The following AARS1 variants were observed in gnomAD, a reference collection of about 807,000 sequenced individuals.
The protein encoded by AARS1 is alanine--tRNA ligase, cytoplasmic.
AARS1 carries 72 observed loss-of-function variants against 108.9 expected under a neutral mutation model. The observed-to-expected ratio is 0.66, with a 90% CI of 0.55 to 0.80. AARS1 has a LOEUF of 0.80. Among genes scored for constraint, AARS1 ranks in the 30% least tolerant of loss-of-function variants. AARS1 has a pLI of 0.00. For synonymous variants in AARS1, 489 were observed against 465.7 expected (o/e 1.05, Z -0.64); for missense variants, 1,193 against 1,233.2 (o/e 0.97, Z 0.49).
intron 4 of AARS1, among the ~76,000 whole-genome samples, chr16:70,272,447 G>A (rs560895199): frequency 2.2e-5 from 3 of 134,572 alleles, no homozygotes; most frequent in South Asian, 2.5e-4. Flanking sequence ...CAGAGGCTGC[G>A]ATGAGCCGGG....
Position 70,262,198 on chromosome 16 carries a change from C to T in AARS1, c.1671+148G>A, listed in dbSNP as rs1028783199. On this transcript the variant is annotated intron_variant, in intron 12 of 20. Coordinates refer to ENST00000261772, the MANE Select transcript of AARS1 (RefSeq NM_001605.3). ...CCAGGAAAGCAACAGGTACAAGCAA[C>T]AGCTCCCTCGGCTTCAGAAATACCA... The T allele has an allele frequency of 1.0e-5, 10 of 983,396 alleles. No individual in the cohort carries two copies. In the African/African-American group the frequency reaches 1.6e-4, roughly 16 times the overall value. 60.9% of individuals were successfully genotyped at this position (983,396 alleles called of 1,614,324 possible). A position where few individuals can be genotyped will look rare whatever the true frequency, so the allele number is the denominator to read the frequency against.
Position 70,286,341 on chromosome 16 carries a change from G to A in AARS1, c.-22+3080C>T, listed in dbSNP as rs997320940. ...TCTTGGGTGCCTTAAATCACGCTGT[G>A]GCTCCAGCCACTCCACAGGAATTTT... is the stretch of plus-strand genomic sequence containing the variant. On this transcript the variant is annotated intron_variant, in intron 1 of 20. Coordinates refer to ENST00000261772, the MANE Select transcript of AARS1 (RefSeq NM_001605.3). 2.6e-5 allele frequency among the ~76,000 whole-genome samples: 4 copies of A among 151,518 alleles called. 1 individual carries two copies. The highest frequency in any genetic ancestry group is 4.9e-5 in the African/African-American group (2 of 41,198).
chr16:70,265,933 C>T (rs920963751), intron 9 of AARS1, among the ~76,000 whole-genome samples: 11 of 152,208 alleles, frequency 7.2e-5, no homozygotes, highest in African/African-American at 2.4e-4. Context: ...AATCCCAGCA[C>T]TTTGAGAGGC....
intron 1 of AARS1, among the ~76,000 whole-genome samples, chr16:70,286,989 C>A (rs1451916198): frequency 6.6e-6 from 1 of 151,790 alleles, no homozygotes; most frequent in African/African-American, 2.4e-5. Flanking sequence ...CGGTGGCTCA[C>A]GCCTGTAATC....
At chr16:70,276,777 A>C (rs1960562298) in intron 3 of AARS1, 146 bp from the exon 4 acceptor site, 6 of 1,189,818 alleles carry the variant, frequency 5.0e-6, no homozygotes, top group Non-Finnish European at 7.2e-6. Flanking sequence ...AAGAAATCCA[A>C]ATATATACTG....
At chr16:70,255,536 C>T (rs1353710793) in intron 16 of AARS1, among the ~76,000 whole-genome samples, 192 bp downstream of exon 16, 1 of 152,034 alleles carries the variant, frequency 6.6e-6, no homozygotes, top group African/African-American at 2.4e-5. Context: ...CATAGGAAAG[C>T]TAGGAGATCT....
intron 4 of AARS1, among the ~76,000 whole-genome samples, chr16:70,272,924 A>ACACACACAC (rs1567608986): frequency 4.6e-5 from 7 of 150,890 alleles, no homozygotes; most frequent in African/African-American, 9.8e-5. Flanking sequence ...ACACACACAC[A>ACACACACAC]AAAGATTGTG....
In AARS1 at chr16:70,259,197, C is replaced by T; in HGVS notation, c.1786-11G>A. ...GGGTCTTCGTCGGGGCTGGAAAGGG[C>T]AGAGGGGCTCATGGAGAGGTCTGTA... On this transcript the variant is annotated splice_polypyrimidine_tract_variant and intron_variant, in intron 13 of 20. Coordinates refer to ENST00000261772, the MANE Select transcript of AARS1 (RefSeq NM_001605.3). 6.2e-7 allele frequency: 1 copy of T among 1,612,590 alleles called. No homozygotes were observed. Among genetic ancestry groups the T allele is most frequent in the Non-Finnish European group, 8.5e-7 (1 of 1,179,016 alleles).
At chr16:70,266,054 C>T (rs1413617532) in intron 9 of AARS1, among the ~76,000 whole-genome samples, 1 of 152,198 alleles carries the variant, frequency 6.6e-6, no homozygotes, top group Non-Finnish European at 1.5e-5. Context: ...TGGCTCACGC[C>T]TGTAATCCCA....
intron 10 of AARS1, 66 bp downstream of exon 10, chr16:70,265,472 G>C: frequency 3.1e-6 from 5 of 1,609,384 alleles, no homozygotes; most frequent in Non-Finnish European, 3.4e-6. Context: ...CTCATGCTCA[G>C]TCTGCAGCCA....
At position 70,262,895 on chromosome 16, in the gene AARS1, G is replaced by C. The variant is rs574344841; in HGVS notation, c.1493-371C>G. Among the ~76,000 whole-genome samples, 7 of 144,994 alleles carry C rather than the reference G, an allele frequency of 4.8e-5. No individual in the cohort carries two copies. In the South Asian group the frequency reaches 1.3e-3, roughly 27 times the overall value. On this transcript the variant is annotated intron_variant, in intron 11 of 20. Transcript: ENST00000261772. ...AGGCAGAAGAATGGCGTGAACCCAG[G>C]AGGCGGAGCTTGCAGTGAGCCGAGA...
At chr16:70,264,442 G>A (rs903025271) in intron 11 of AARS1, among the ~76,000 whole-genome samples, 18 of 151,602 alleles carry the variant, frequency 1.2e-4, no homozygotes, top group African/African-American at 3.9e-4. Flanking sequence ...TCAGCCTCCC[G>A]AGTAGCTGGG....
At chr16:70,255,193 C>CT (rs1567601605) in intron 16 of AARS1, among the ~76,000 whole-genome samples, 2 of 124,738 alleles carry the variant, frequency 1.6e-5, no homozygotes, top group East Asian at 2.3e-4. Context: ...GCCAGATTCA[C>CT]ATTTTTTTTT....
At chr16:70,267,079 G>A (rs985426928) in intron 9 of AARS1, among the ~76,000 whole-genome samples, 6 of 152,076 alleles carry the variant, frequency 3.9e-5, no homozygotes, top group South Asian at 2.1e-4. Context: ...CTCGTGATCC[G>A]CCCGCCTCGG....
intron 2 of AARS1, among the ~76,000 whole-genome samples, chr16:70,277,584 A>AAT (rs1960579782): frequency 6.6e-6 from 1 of 152,202 alleles, no homozygotes; most frequent in Admixed American, 6.6e-5. Flanking sequence ...TTAAGGGAAT[A>AAT]ATATCAGCAC....
In AARS1 at chr16:70,259,045, C is replaced by G; in HGVS notation, c.1927G>C (p.Ala643Pro). ...TTCTTGATCTGTTGGGTGGACATGG[C>G]TCCCTTGGCAGTAAAGTCAAATCTG... is the stretch of plus-strand genomic sequence containing the variant. Reference protein sequence around the residue: ...RLRFDFTAKGAMSTQQIKKAE... With the variant: ...RLRFDFTAKGPMSTQQIKKAE... The change falls in exon 14 of 21, where the codon GCC becomes CCC. Residue 643 changes from alanine (A) to proline (P), a missense_variant. Transcript: ENST00000261772. 1 of 1,614,190 alleles carries G rather than the reference C, an allele frequency of 6.2e-7. No individual in the cohort carries two copies. Among genetic ancestry groups the G allele is most frequent in the Non-Finnish European group, 8.5e-7 (1 of 1,180,032 alleles).
intron 7 of AARS1, 123 bp downstream of exon 7, chr16:70,269,495 T>C (rs1020007417): frequency 8.5e-6 from 12 of 1,415,050 alleles, no homozygotes; most frequent in Middle Eastern, 3.7e-4. Context: ...GATCACGCCA[T>C]TGTACTCCAG....
At chr16:70,283,490 A>G (rs1034197318) in intron 1 of AARS1, among the ~76,000 whole-genome samples, 1 of 152,090 alleles carries the variant, frequency 6.6e-6, no homozygotes, top group African/African-American at 2.4e-5. Context: ...GAGGCTCAGG[A>G]GACCGGGGTT....
chr16:70,254,458 G>A (rs768487108), intron 17 of AARS1, 163 bp downstream of exon 17: 1 of 668,146 alleles, frequency 1.5e-6, no homozygotes, highest in Non-Finnish European at 2.7e-6. Context: ...TCCAAGGACA[G>A]GATCCATGGG....
Sources: allele counts gnomAD v4.1 joint callset (sites outside exome capture counted in the v4.1 genomes callset), GRCh38; gene constraint gnomAD v4.1.1; transcripts MANE v1.5; gene names NCBI Gene and HGNC (gene_info 2026-07-23, HGNC 2026-07-21).